Variants in LRRC23 observed in about 807,000 individuals in gnomAD.
The protein encoded by LRRC23 is leucine rich repeat containing 23.
In LRRC23, 28 loss-of-function variants were observed where a neutral mutation model predicts 37.7. The observed-to-expected ratio is 0.74, with a 90% CI of 0.55 to 1.02. The LOEUF is 1.02. Ranked by LOEUF, LRRC23 falls within the 50% of genes least tolerant of loss-of-function variation. LRRC23 has a pLI of 0.00. For synonymous variants in LRRC23, 161 were observed against 165.4 expected (o/e 0.97, Z 0.20); for missense variants, 377 against 413.2 (o/e 0.91, Z 0.76).
Position 6,907,326 on chromosome 12 carries a change from C to T in LRRC23, c.502C>T (p.His168Tyr), listed in dbSNP as rs1555139760. 1 of 1,613,922 alleles carries T rather than the reference C, an allele frequency of 6.2e-7. No homozygotes were observed. Among genetic ancestry groups the T allele is most frequent in the Non-Finnish European group, 8.5e-7 (1 of 1,179,942 alleles). ...ACCCTCCTCCCCAGGGAACAGCATC[C>T]ACATGGTGACAGGTCTGGACCCCGA... The part of the protein sequence containing the change: ...ETLNLKGNSI[H>Y]MVTGLDPEKL... The change falls in exon 5 of 8, where the codon CAC becomes TAC. Residue 168 changes from histidine to tyrosine, a missense_variant. Physicochemically the swap from His to Tyr is moderately conservative, Grantham distance 83 (BLOSUM62 2). Transcript: ENST00000443597.
At chr12:6,910,069 C>A in intron 6 of LRRC23, 43 bp downstream of exon 6, 1 of 1,558,318 alleles carries the variant, frequency 6.4e-7, no homozygotes, top group South Asian at 1.2e-5. Context: ...TACCCCTGAC[C>A]AGGTGCAGCT....
At chr12:6,913,106 T>C (rs1945208596) in intron 7 of LRRC23, 79 bp downstream of exon 7, 4 of 1,414,072 alleles carry the variant, frequency 2.8e-6, no homozygotes, top group East Asian at 2.3e-5. Flanking sequence ...GGGAAGCTGC[T>C]GCAGAAGGAG....
intron 5 of LRRC23, among the ~76,000 whole-genome samples, chr12:6,909,433 T>TATATAATAGTATATTATATAATATATAAA: frequency 2.2e-5 from 1 of 44,886 alleles, no homozygotes; most frequent in South Asian, 5.3e-4. Context: ...TATATAAATA[T>TATATAATAGTATATTATATAATATATAAA]TATATATAAT....
rs190864395 is a variant in LRRC23, at chr12:6,913,721, C to T, written c.*25-170C>T. ...CTGGGACTACAGGCGCATGCAACCG[C>T]GCCTGGCTAATTTTTGTATTTTTAG... On this transcript the variant is annotated intron_variant, in intron 7 of 7. Transcript: ENST00000443597. 4,624 of 473,706 alleles carry T rather than the reference C, an allele frequency of 9.8e-3. 176 individuals are homozygous for T. Among genetic ancestry groups the T allele is most frequent in the Admixed American group, 0.081 (2,191 of 26,888 alleles). The allele number at this position is 473,706 out of a possible 1,614,324, so 29.3% of individuals were successfully genotyped here. A position where few individuals can be genotyped will look rare whatever the true frequency, so the allele number is the denominator to read the frequency against.
At chr12:6,908,430 C>G (rs145268305) in intron 5 of LRRC23, among the ~76,000 whole-genome samples, 1 of 151,758 alleles carries the variant, frequency 6.6e-6, no homozygotes. Flanking sequence ...AACTCTGTCT[C>G]TACTAAAAAT....
intron 5 of LRRC23, 41 bp downstream of exon 5, chr12:6,907,486 C>A (rs781952878): frequency 1.2e-6 from 2 of 1,610,288 alleles, no homozygotes; most frequent in Non-Finnish European, 1.7e-6. Context: ...GAAGAGGGCA[C>A]TGTCCTGGGG....
In LRRC23 at chr12:6,909,489, ATATAT is replaced by A. The variant is rs1176133730; in HGVS notation, c.622-395_622-391del. On this transcript the variant is annotated intron_variant, in intron 5 of 7. Transcript: ENST00000443597. ...TAATATATATTTTATATATTATATAATATATTATATATTATATATATAATAACTCC... is the reference window on the plus strand; with the variant it reads ...TAATATATATTTTATATATTATATAATATATATTATATATATAATAACTCC... 5.6e-4 allele frequency among the ~76,000 whole-genome samples: 53 copies of A among 94,070 alleles called. 6 individuals are homozygous for A. The highest frequency in any genetic ancestry group is 2.5e-3 in the African/African-American group (50 of 20,178). 61.7% of individuals were successfully genotyped at this position (94,070 alleles called of 152,430 possible). A position where few individuals can be genotyped will look rare whatever the true frequency, so the allele number is the denominator to read the frequency against.
chr12:6,914,077 A>C lies in LRRC23; in HGVS notation c.*211A>C. The C allele has an allele frequency of 6.4e-7, 1 of 1,552,372 alleles. No individual in the cohort carries two copies. Among genetic ancestry groups the C allele is most frequent in the Non-Finnish European group, 8.7e-7 (1 of 1,152,604 alleles). The stretch of plus-strand genomic sequence containing the variant: ...GTGCAGAATGGGGTGCCTAGGCCTG[A>C]GCGTTGCCTGGAGCCTAGGCCGGGG... On this transcript the variant is annotated 3_prime_UTR_variant, in exon 8 of 8. Transcript: ENST00000443597. This position sits in a 1 kb window ranked among gnomAD's most constrained non-coding sequence, Gnocchi z 7.1.
rs782396222 is a variant in LRRC23 at position 6,906,530 on chromosome 12, G to A, written c.358G>A (p.Ala120Thr). 6.6e-5 allele frequency: 107 copies of A among 1,614,060 alleles called. No individual in the cohort carries two copies. Among genetic ancestry groups the A allele is most frequent in the Non-Finnish European group, 8.3e-5 (98 of 1,180,046 alleles). Residue 120 changes from alanine (A) to threonine (T), a missense_variant, in exon 4 of 8, where the codon GCT (alanine) becomes ACT (threonine). Around this residue, in one of 3 missense-constraint regions of LRRC23, gnomAD observed 266 missense variants for 285.6 expected, o/e 0.93. Coordinates refer to ENST00000443597, the MANE Select transcript of LRRC23 (RefSeq NM_001135217.2). ...NYLTHLLWLK[A>T]DGNRLRSAQM... ...CCTCACCCACCTGCTCTGGCTCAAG[G>A]CTGATGGCAATCGGCTGCGAAGTGC...
At chr12:6,910,382 C>T (rs1945129553) in intron 6 of LRRC23, among the ~76,000 whole-genome samples, 1 of 151,918 alleles carries the variant, frequency 6.6e-6, no homozygotes, top group South Asian at 2.1e-4. Flanking sequence ...CAGGACCAGC[C>T]TGGGCAACCT....
At chr12:6,911,425 T>A (rs926251780) in intron 6 of LRRC23, among the ~76,000 whole-genome samples, 25 of 152,200 alleles carry the variant, frequency 1.6e-4, no homozygotes, top group Admixed American at 8.5e-4. Flanking sequence ...CTGTGCCATC[T>A]TCCTGTTAAT....
chr12:6,905,075 G>A lies in LRRC23; in HGVS notation c.-50G>A, dbSNP rs1399387493. On this transcript the variant is annotated splice_region_variant and 5_prime_UTR_variant, in exon 1 of 8. Coordinates refer to ENST00000443597, the MANE Select transcript of LRRC23 (RefSeq NM_001135217.2). ...ACTGCTTCTGATTGAGCAGAAACAG[G>A]GTCTGAGCCCCTTTGCTAAGGCGAA... 6.4e-6 allele frequency: 1 copy of A among 157,046 alleles called. No individual in the cohort carries two copies. Among genetic ancestry groups the A allele is most frequent in the Non-Finnish European group, 1.4e-5 (1 of 70,660 alleles). 9.7% of individuals were successfully genotyped at this position (157,046 alleles called of 1,614,324 possible).
intron 6 of LRRC23, among the ~76,000 whole-genome samples, chr12:6,910,319 C>T (rs1364464106): frequency 6.6e-6 from 1 of 152,138 alleles, no homozygotes; most frequent in Non-Finnish European, 1.5e-5. Context: ...CATGGTGGTT[C>T]ATGCCTGTAC....
chr12:6,913,961 C>T lies in LRRC23; in HGVS notation c.*95C>T, dbSNP rs782689359. The T allele has an allele frequency of 6.2e-7, 1 of 1,613,876 alleles. No individual in the cohort carries two copies. Among genetic ancestry groups the T allele is most frequent in the Admixed American group, 1.7e-5 (1 of 59,986 alleles). ...CAGCCACCACATGTATGACAGAGAA[C>T]AGAGGATGCCTGTTTTTGCCCCAAA... On this transcript the variant is annotated 3_prime_UTR_variant, in exon 8 of 8. Coordinates refer to ENST00000443597, the MANE Select transcript of LRRC23 (RefSeq NM_001135217.2).
rs782034142 is a variant in LRRC23, at chr12:6,905,700, G to C, written c.67G>C (p.Glu23Gln). The change falls in exon 2 of 8, where the codon GAG becomes CAG. Residue 23 changes from glutamate to glutamine, a missense_variant. Around this residue, in one of 3 missense-constraint regions of LRRC23, gnomAD observed 106 missense variants for 105.9 expected, o/e 1.00. Transcript: ENST00000443597. ...GGATGATTCTGAGAAAGAAGAGGACGAGAAGGAGACAGAGGAGGGGGAGGA... is the reference window on the plus strand; with the variant it reads ...GGATGATTCTGAGAAAGAAGAGGACCAGAAGGAGACAGAGGAGGGGGAGGA... Reference protein sequence around the residue: ...DQDDSEKEEDEKETEEGEDYR... With the variant: ...DQDDSEKEEDQKETEEGEDYR... The C allele has an allele frequency of 5.6e-6, 9 of 1,613,268 alleles. No homozygotes were observed. In the African/African-American group the frequency reaches 1.2e-4, roughly 22 times the overall value.
At chr12:6,906,794 T>C in intron 4 of LRRC23, 132 bp downstream of exon 4, 1 of 1,014,960 alleles carries the variant, frequency 9.9e-7, no homozygotes, top group Admixed American at 2.2e-5. Flanking sequence ...CGCAATATGA[T>C]TCATTATGAC....
rs868976869 is a variant in LRRC23 at position 6,909,095 on chromosome 12, T to A, written c.622-795T>A. Reference sequence around the variant, plus strand: ...TATTATATATTATATAATTATATATTATATATAATATATAATTACATATAA... The same window carrying A: ...TATTATATATTATATAATTATATATAATATATAATATATAATTACATATAA... On this transcript the variant is annotated intron_variant, in intron 5 of 7. Coordinates refer to ENST00000443597, the MANE Select transcript of LRRC23 (RefSeq NM_001135217.2). Among the ~76,000 whole-genome samples, 54 of 40,338 alleles carry A rather than the reference T, an allele frequency of 1.3e-3. 8 individuals are homozygous for A. The highest frequency in any genetic ancestry group is 0.01 in the African/African-American group (37 of 3,528). 26.5% of individuals were successfully genotyped at this position (40,338 alleles called of 152,430 possible).
rs782399146 is a variant in LRRC23 at position 6,912,823 on chromosome 12, C to G, written c.852C>G (p.Asp284Glu). The G allele has an allele frequency of 6.2e-7, 1 of 1,614,136 alleles. No homozygotes were observed. Among genetic ancestry groups the G allele is most frequent in the Admixed American group, 1.7e-5 (1 of 60,016 alleles). ...TGCTGCTTGATAACCCATGCACGGA[C>G]GAAACCAGCTACCGCCAGGAGGCCC... ...ALVLLDNPCT[D>E]ETSYRQEALV... The change falls in exon 7 of 8, where the codon GAC becomes GAG. Residue 284 changes from aspartate (D) to glutamate (E), a missense_variant. By Grantham distance (45) the Asp-to-Glu change is conservative. Around this residue, in one of 3 missense-constraint regions of LRRC23, gnomAD observed 266 missense variants for 285.6 expected, o/e 0.93. Transcript: ENST00000443597.
At chr12:6,913,065 A>C in intron 7 of LRRC23, 38 bp downstream of exon 7, 1 of 1,589,130 alleles carries the variant, frequency 6.3e-7, no homozygotes, top group Non-Finnish European at 8.6e-7. Flanking sequence ...GAGGAGGCCA[A>C]GGGCTGGGCA....
Sources: allele counts gnomAD v4.1 joint callset (sites outside exome capture counted in the v4.1 genomes callset), GRCh38; gene constraint gnomAD v4.1.1; regional missense constraint gnomAD v4.1.1; non-coding constraint Gnocchi (gnomAD v3.1); transcripts MANE v1.5; gene names NCBI Gene and HGNC (gene_info 2026-07-23, HGNC 2026-07-21).